Variants in WDFY1 observed in about 807,000 individuals in gnomAD.
WDFY1 encodes the protein WD repeat and FYVE domain-containing protein 1.
A neutral mutation model predicts 56.4 loss-of-function variants in WDFY1; 32 were observed. The observed-to-expected ratio is 0.57, with a 90% CI of 0.43 to 0.76. WDFY1 has a LOEUF of 0.76. WDFY1 is among the 30% of genes least tolerant of loss of function. WDFY1 has a pLI of 0.00. For synonymous variants in WDFY1, 192 were observed against 197.3 expected (o/e 0.97, Z 0.23); for missense variants, 480 against 545.7 (o/e 0.88, Z 1.20).
At chr2:223,912,982 C>G (rs1199226891) in intron 2 of WDFY1, among the ~76,000 whole-genome samples, 2 of 151,860 alleles carry the variant, frequency 1.3e-5, no homozygotes, top group Non-Finnish European at 2.9e-5. Context: ...TTGTTTCAGC[C>G]TAAGGAATTT....
In WDFY1 at chr2:223,878,294, A is replaced by G; in HGVS notation, c.*377T>C. 6.4e-6 allele frequency: 1 copy of G among 157,450 alleles called. No individual in the cohort carries two copies. The highest frequency in any genetic ancestry group is 1.4e-5 in the Non-Finnish European group (1 of 71,586). 9.8% of individuals were successfully genotyped at this position (157,450 alleles called of 1,614,324 possible). On this transcript the variant is annotated 3_prime_UTR_variant, in exon 12 of 12. Transcript: ENST00000233055. The stretch of plus-strand genomic sequence containing the variant: ...CCACAAGAACCCTGGAAGGCCCCCT[A>G]GGCTAAGTGAAGTGTCTGTACTTGT...
rs1489276257 is a variant in WDFY1, at chr2:223,945,270, G to C, written c.15C>G (p.Ile5Met). The C allele has an allele frequency of 1.9e-6, 3 of 1,576,636 alleles. No homozygotes were observed. The highest frequency in any genetic ancestry group is 1.4e-5 in the African/African-American group (1 of 71,142). Residue 5 changes from isoleucine to methionine, a missense_variant, in exon 1 of 12, where the codon ATC (isoleucine) becomes ATG (methionine). Coordinates refer to ENST00000233055, the MANE Select transcript of WDFY1 (RefSeq NM_020830.5). ...GGCGGCTGCTCTGCGGCCTGGAGTG[G>C]ATTTCGGCCGCCATGTTCGCGCGGC... is the stretch of plus-strand genomic sequence containing the variant. Reference protein sequence around the residue: MAAEIHSRPQSSRPV... With the variant: MAAEMHSRPQSSRPV...
At chr2:223,898,102 A>T (rs1208408706) in intron 6 of WDFY1, among the ~76,000 whole-genome samples, 2 of 152,174 alleles carry the variant, frequency 1.3e-5, no homozygotes, top group Non-Finnish European at 2.9e-5. Flanking sequence ...GTATGTGGCG[A>T]GTCACTCAAT....
intron 1 of WDFY1, among the ~76,000 whole-genome samples, chr2:223,921,716 G>A (rs1248431084): frequency 1.3e-5 from 2 of 152,132 alleles, no homozygotes; most frequent in Non-Finnish European, 2.9e-5. Flanking sequence ...TCAGCCTCCT[G>A]AGCAGCTGGG....
In WDFY1 at chr2:223,917,792, A is replaced by T. The variant is rs1196201997; in HGVS notation, c.205+151T>A. 7 of 750,410 alleles carry T rather than the reference A, an allele frequency of 9.3e-6. No individual in the cohort carries two copies. In the East Asian group the frequency reaches 2.1e-4, roughly 22 times the overall value. 46.5% of individuals were successfully genotyped at this position (750,410 alleles called of 1,614,324 possible). A position where few individuals can be genotyped will look rare whatever the true frequency, so the allele number is the denominator to read the frequency against. On this transcript the variant is annotated intron_variant, in intron 2 of 11. Coordinates refer to ENST00000233055, the MANE Select transcript of WDFY1 (RefSeq NM_020830.5). ...TCACCATGTTGGTCAGTCTGGTCTC[A>T]AACTCCTGACCCCAGGTGATCTACC...
intron 1 of WDFY1, among the ~76,000 whole-genome samples, chr2:223,925,310 G>C (rs953952553): frequency 2.0e-5 from 3 of 151,892 alleles, no homozygotes; most frequent in African/African-American, 4.8e-5. Context: ...AACAAAGTGA[G>C]TCACACAAAT....
intron 3 of WDFY1, among the ~76,000 whole-genome samples, chr2:223,909,262 G>A (rs1486532008): frequency 6.6e-6 from 1 of 152,130 alleles, no homozygotes; most frequent in Non-Finnish European, 1.5e-5. Context: ...AATGATTGGC[G>A]TGACTATGCA....
chr2:223,903,539 CA>C (rs1559167720), intron 4 of WDFY1, among the ~76,000 whole-genome samples: 153 of 110,492 alleles, frequency 1.4e-3, no homozygotes, highest in Middle Eastern at 9.2e-3. Context: ...CAAAACAAAA[CA>C]AAAAAAAACC....
intron 1 of WDFY1, among the ~76,000 whole-genome samples, chr2:223,923,377 A>G (rs1454936237): frequency 2.0e-5 from 3 of 152,262 alleles, no homozygotes; most frequent in Non-Finnish European, 4.4e-5. Context: ...ATTCCAGACT[A>G]AAAAATTACT....
intron 1 of WDFY1, among the ~76,000 whole-genome samples, chr2:223,922,729 G>A (rs1311980119): frequency 1.3e-5 from 2 of 152,162 alleles, no homozygotes; most frequent in African/African-American, 2.4e-5. Context: ...ATGGAAAGAA[G>A]GGCACAATTC....
intron 8 of WDFY1, among the ~76,000 whole-genome samples, chr2:223,888,270 C>T (rs1442723940): frequency 6.6e-6 from 1 of 151,914 alleles, no homozygotes; most frequent in African/African-American, 2.4e-5. Context: ...AAGAGGGTTT[C>T]TCCAAGCTGC....
rs1321548675 is a variant in WDFY1 at position 223,897,386 on chromosome 2, A to ATT, written c.598+1571_598+1572insAA. ...TATATATATATATATATATATATAT[A>ATT]TATATTTTTTAAGACGGAGTCTCTC... is the stretch of plus-strand genomic sequence containing the variant. On this transcript the variant is annotated intron_variant, in intron 6 of 11. Transcript: ENST00000233055. 3.9e-3 allele frequency among the ~76,000 whole-genome samples: 479 copies of ATT among 124,146 alleles called. 13 individuals carry two copies. The highest frequency in any genetic ancestry group is 0.013 in the African/African-American group (437 of 33,296). 81.4% of individuals were successfully genotyped at this position (124,146 alleles called of 152,430 possible).
Position 223,886,351 on chromosome 2 carries a change from C to G in WDFY1, c.832-1602G>C, listed in dbSNP as rs575665243. Reference sequence around the variant, plus strand: ...CAAGACTCTGTCTCAAAAAACAAAACAAAACAAAATAAAAACTTAGAAAAT... The same window carrying G: ...CAAGACTCTGTCTCAAAAAACAAAAGAAAACAAAATAAAAACTTAGAAAAT... On this transcript the variant is annotated intron_variant, in intron 8 of 11. Coordinates refer to ENST00000233055, the MANE Select transcript of WDFY1 (RefSeq NM_020830.5). Among the ~76,000 whole-genome samples, 7 of 151,832 alleles carry G rather than the reference C, an allele frequency of 4.6e-5. 1 individual carries two copies. In the South Asian group the frequency reaches 1.5e-3, roughly 32 times the overall value.
intron 1 of WDFY1, among the ~76,000 whole-genome samples, chr2:223,922,853 C>G (rs1161147130): frequency 6.6e-6 from 1 of 152,184 alleles, no homozygotes; most frequent in Non-Finnish European, 1.5e-5. Context: ...AATACTTAAA[C>G]TAGCCCAAAG....
In WDFY1 at chr2:223,944,000, CTCTG is replaced by C. The variant is rs1280760405; in HGVS notation, c.137+1144_137+1147del. 3.9e-4 allele frequency among the ~76,000 whole-genome samples: 60 copies of C among 152,270 alleles called. No homozygotes were observed. In the Middle Eastern group the frequency reaches 0.014, roughly 35 times the overall value. ...TTAACATGTTTTAGTTATTAGTTTA[CTCTG>C]TCTGGTGAGTAATGTTAGTTTTCCT... On this transcript the variant is annotated intron_variant, in intron 1 of 11. Transcript: ENST00000233055.
chr2:223,879,671 G>A (rs1334586253), intron 11 of WDFY1, among the ~76,000 whole-genome samples: 1 of 151,424 alleles, frequency 6.6e-6, no homozygotes, highest in African/African-American at 2.4e-5. Context: ...AAAAAAAAAA[G>A]AGTGGTACTA....
At chr2:223,945,006 G>A in intron 1 of WDFY1, 142 bp downstream of exon 1, 2 of 989,904 alleles carry the variant, frequency 2.0e-6, no homozygotes, top group Non-Finnish European at 2.8e-6. Context: ...GAACCCGGCG[G>A]AGCTAAGGGG....
At chr2:223,897,219 T>G (rs904855426) in intron 6 of WDFY1, among the ~76,000 whole-genome samples, 1 of 151,830 alleles carries the variant, frequency 6.6e-6, no homozygotes, top group African/African-American at 2.4e-5. Flanking sequence ...CAGTTCTCCA[T>G]AAACCAGATG....
chr2:223,944,587 G>T lies in WDFY1; in HGVS notation c.137+561C>A, dbSNP rs115470162. Among the ~76,000 whole-genome samples the T allele has an allele frequency of 2.0e-3, 297 of 151,200 alleles. 2 individuals are homozygous for T. The highest frequency in any genetic ancestry group is 7.1e-3 in the African/African-American group (291 of 41,202). ...TGGGGCGCACTGGAACCGGGGTCCC[G>T]GGCTTGAGTGGCGCGGTGGGACAGA... On this transcript the variant is annotated intron_variant, in intron 1 of 11. Coordinates refer to ENST00000233055, the MANE Select transcript of WDFY1 (RefSeq NM_020830.5).
Sources: gnomAD v4.1 joint callset for allele counts (sites outside exome capture counted in the v4.1 genomes callset) on GRCh38, gnomAD v4.1.1 for gene constraint, MANE v1.5 for transcripts, NCBI Gene and HGNC (gene_info 2026-07-23, HGNC 2026-07-21) for gene names.